The following ATP8B4 variants were observed in gnomAD, a reference collection of about 807,000 sequenced individuals.
ATP8B4 encodes the protein probable phospholipid-transporting ATPase IM.
In ATP8B4, 133 loss-of-function variants were observed where a neutral mutation model predicts 145.6. The ratio of observed to expected loss-of-function variants is 0.91; its 90% CI spans 0.79 to 1.05. ATP8B4 has a LOEUF of 1.05. ATP8B4 is among the 50% of genes least tolerant of loss of function. The probability of loss-of-function intolerance (pLI) is 0.00; values close to 1 mark genes in which losing one functional copy is unlikely to be tolerated. For missense variants in ATP8B4, 1,458 were observed against 1,425.2 expected, an observed-to-expected ratio of 1.02 and a Z score of -0.37; for synonymous variants, 507 against 492.9, an observed-to-expected ratio of 1.03 and a Z score of -0.38.
chr15:50,050,637 T>A (rs1389400028), intron 3 of ATP8B4, among the ~76,000 whole-genome samples: 1 of 151,330 alleles, frequency 6.6e-6, no homozygotes, highest in Non-Finnish European at 1.5e-5. Context: ...AAAAACAGGC[T>A]AAATGCACCA....
At chr15:50,095,852 T>C (rs765281719) in intron 2 of ATP8B4, among the ~76,000 whole-genome samples, 1 of 152,178 alleles carries the variant, frequency 6.6e-6, no homozygotes, top group Non-Finnish European at 1.5e-5. Context: ...ATCAGCGCTA[T>C]AGTAACAGAT....
chr15:49,972,670 C>A lies in ATP8B4; in HGVS notation c.1155G>T (p.Gln385His). 1.2e-6 allele frequency: 2 copies of A among 1,613,992 alleles called. No homozygotes were observed. Among genetic ancestry groups the A allele is most frequent in the South Asian group, 2.2e-5 (2 of 91,072 alleles). Residue 385 changes from glutamine to histidine, a missense_variant, in exon 13 of 28, where the codon CAG (glutamine) becomes CAT (histidine). Gln to His is a conservative substitution (Grantham distance 24). Transcript: ENST00000284509. Reference sequence around the variant, plus strand: ...TTTTGTCGGAGAAAATGTACTCAATCTGCCCCAGTTCCTCATTGAGCGTGG... The same window carrying A: ...TTTTGTCGGAGAAAATGTACTCAATATGCCCCAGTTCCTCATTGAGCGTGG... ...RTTTLNEELG[Q>H]IEYIFSDKTG...
intron 2 of ATP8B4, among the ~76,000 whole-genome samples, chr15:50,101,404 T>A (rs1017972560): frequency 6.6e-6 from 1 of 151,920 alleles, no homozygotes; most frequent in Non-Finnish European, 1.5e-5. Flanking sequence ...AAAGATATTC[T>A]ATGCACATGG....
intron 2 of ATP8B4, among the ~76,000 whole-genome samples, chr15:50,105,846 T>C (rs1304791653): frequency 1.3e-5 from 2 of 152,174 alleles, no homozygotes; most frequent in African/African-American, 4.8e-5. Context: ...CAACACTGGG[T>C]CCTGTTGAAA....
chr15:49,917,254 C>G, intron 19 of ATP8B4: 1 of 490,866 alleles, frequency 2.0e-6, no homozygotes, highest in South Asian at 3.8e-5. Flanking sequence ...AACCCATGCA[C>G]AAGTAGCAAC....
chr15:49,872,568 C>G (rs2033825167), intron 25 of ATP8B4, among the ~76,000 whole-genome samples: 1 of 152,116 alleles, frequency 6.6e-6, no homozygotes, highest in South Asian at 2.1e-4. Flanking sequence ...ATAGATGAGA[C>G]AAGAACACAT....
chr15:50,017,204 C>CA (rs1385635513), intron 6 of ATP8B4, among the ~76,000 whole-genome samples: 1 of 152,104 alleles, frequency 6.6e-6, no homozygotes, highest in African/African-American at 2.4e-5. Flanking sequence ...CCTCCTTTGC[C>CA]AACAGTACAA....
intron 12 of ATP8B4, among the ~76,000 whole-genome samples, chr15:49,976,810 CAGAGAAAA>C (rs983303887): frequency 3.3e-5 from 5 of 152,048 alleles, no homozygotes; most frequent in African/African-American, 9.7e-5. Context: ...TTTACAATAG[CAGAGAAAA>C]GGAGAAAAAT....
intron 10 of ATP8B4, among the ~76,000 whole-genome samples, chr15:49,984,648 G>A (rs1196727033): frequency 6.6e-6 from 1 of 152,108 alleles, no homozygotes; most frequent in African/African-American, 2.4e-5. Flanking sequence ...TACCTTGATC[G>A]TAATCTCCTT....
intron 11 of ATP8B4, 93 bp from the exon 12 acceptor site, chr15:49,979,906 G>A: frequency 6.7e-6 from 6 of 897,874 alleles, no homozygotes; most frequent in Non-Finnish European, 8.1e-6. Context: ...CCAAGAAATA[G>A]TCATTTGAAA....
At chr15:50,047,532 A>T (rs1276275104) in intron 3 of ATP8B4, 68 bp from the exon 4 acceptor site, 4 of 974,380 alleles carry the variant, frequency 4.1e-6, no homozygotes, top group African/African-American at 1.6e-5. Context: ...TAGCTCTAAA[A>T]CCTACAAGCC....
intron 3 of ATP8B4, among the ~76,000 whole-genome samples, chr15:50,054,921 C>G (rs556592207): frequency 6.6e-6 from 1 of 151,620 alleles, no homozygotes; most frequent in African/African-American, 2.4e-5. Flanking sequence ...GTGCCAAATT[C>G]CTTAGTTTCA....
At chr15:50,056,816 C>G (rs543546610) in intron 3 of ATP8B4, among the ~76,000 whole-genome samples, 1 of 151,828 alleles carries the variant, frequency 6.6e-6, no homozygotes, top group South Asian at 2.1e-4. Flanking sequence ...TGTGTATACA[C>G]ACATATAAAT....
chr15:50,173,489 A>G (rs191542373), intron 1 of ATP8B4, among the ~76,000 whole-genome samples: 1 of 152,268 alleles, frequency 6.6e-6, no homozygotes, highest in African/African-American at 2.4e-5. Flanking sequence ...CAGACGCTTG[A>G]AGGCAGCATA....
intron 3 of ATP8B4, among the ~76,000 whole-genome samples, chr15:50,060,694 TA>T (rs1291502362): frequency 6.6e-6 from 1 of 152,074 alleles, no homozygotes; most frequent in African/African-American, 2.4e-5. Flanking sequence ...CTAACTAAAA[TA>T]AGAGAGAATC....
chr15:50,041,860 A>G (rs2051311072), intron 5 of ATP8B4, among the ~76,000 whole-genome samples: 1 of 152,186 alleles, frequency 6.6e-6, no homozygotes, highest in African/African-American at 2.4e-5. Flanking sequence ...GAATTTCTTG[A>G]ACCCGGGAGG....
At chr15:49,863,400 A>T (rs2032201367) in intron 26 of ATP8B4, among the ~76,000 whole-genome samples, 1 of 152,194 alleles carries the variant, frequency 6.6e-6, no homozygotes, top group Admixed American at 6.5e-5. Context: ...GTGGGTTTAA[A>T]CAAGGCAATA....
intron 25 of ATP8B4, among the ~76,000 whole-genome samples, chr15:49,871,616 G>C (rs867020182): frequency 1.5e-4 from 23 of 152,160 alleles, no homozygotes; most frequent in African/African-American, 5.6e-4. Context: ...TTGAAGGATA[G>C]GTGGATAACA....
At chr15:49,931,932 G>A (rs971228562) in intron 15 of ATP8B4, among the ~76,000 whole-genome samples, 1 of 151,828 alleles carries the variant, frequency 6.6e-6, no homozygotes, top group African/African-American at 2.4e-5. Flanking sequence ...TGTAGTTGGA[G>A]TGGGGGTAAG....
Sources: gnomAD v4.1 joint callset for allele counts (sites outside exome capture counted in the v4.1 genomes callset) on GRCh38, gnomAD v4.1.1 for gene constraint, MANE v1.5 for transcripts, NCBI Gene and HGNC (gene_info 2026-07-23, HGNC 2026-07-21) for gene names.